Variants in RBM33 observed in about 807,000 individuals in gnomAD.
RBM33 encodes the protein RNA-binding protein 33.
A neutral mutation model predicts 132.6 loss-of-function variants in RBM33; 28 were observed. The observed-to-expected ratio is 0.21, with a 90% confidence interval of 0.16 to 0.29. The LOEUF (loss-of-function observed/expected upper bound fraction) is 0.29, where lower values mean the gene tolerates loss of function less well. RBM33 is among the 10% of genes least tolerant of loss of function. The pLI is 1.00. For missense variants in RBM33, 1,291 were observed against 1,518.5 expected, an observed-to-expected ratio of 0.85 and a Z score of 2.49; for synonymous variants, 634 against 593.0, an observed-to-expected ratio of 1.07 and a Z score of -1.01.
intron 5 of RBM33, among the ~76,000 whole-genome samples, chr7:155,699,527 G>A (rs748300484): frequency 1.3e-5 from 2 of 152,114 alleles, no homozygotes; most frequent in South Asian, 2.1e-4. Flanking sequence ...CAGAAATAAC[G>A]GTATCAAACC....
At chr7:155,680,477 A>G (rs1208425611) in intron 4 of RBM33, 113 bp from the exon 5 acceptor site, 10 of 787,274 alleles carry the variant, frequency 1.3e-5, no homozygotes, top group Admixed American at 2.9e-5. Flanking sequence ...AGTAACTGGA[A>G]TAACTTTTTA....
chr7:155,748,950 G>A (rs139140315), intron 14 of RBM33, among the ~76,000 whole-genome samples: 4 of 152,206 alleles, frequency 2.6e-5, no homozygotes, highest in South Asian at 2.1e-4. Flanking sequence ...GCGTTTTGCC[G>A]TTGGCTGCTC....
chr7:155,669,851 C>G (rs1798898655), intron 2 of RBM33, among the ~76,000 whole-genome samples: 2 of 152,292 alleles, frequency 1.3e-5, no homozygotes, highest in Non-Finnish European at 1.5e-5. Context: ...AGGGGCCGGT[C>G]TTTCTCCTCC....
intron 9 of RBM33, among the ~76,000 whole-genome samples, chr7:155,735,371 T>C (rs1801084031): frequency 6.6e-6 from 1 of 152,206 alleles, no homozygotes; most frequent in Non-Finnish European, 1.5e-5. Context: ...TTAGAAGTAA[T>C]TTTTCTAGCA....
chr7:155,737,890 A>G (rs1040818128), intron 10 of RBM33, among the ~76,000 whole-genome samples, 170 bp from the exon 11 acceptor site: 7 of 152,220 alleles, frequency 4.6e-5, no homozygotes, highest in Admixed American at 1.3e-4. Flanking sequence ...ATAGAAAATG[A>G]CAAATGAAGC....
chr7:155,678,915 TA>T (rs1799258465), intron 4 of RBM33, among the ~76,000 whole-genome samples: 1 of 152,214 alleles, frequency 6.6e-6, no homozygotes, highest in South Asian at 2.1e-4. Context: ...CTCGTGCCTA[TA>T]AACCCAGCAC....
chr7:155,724,734 CTG>C (rs147779229), intron 9 of RBM33, among the ~76,000 whole-genome samples: 1 of 152,232 alleles, frequency 6.6e-6, no homozygotes, highest in Non-Finnish European at 1.5e-5. Context: ...CTGAATGTGT[CTG>C]TTCCTATAAT....
chr7:155,673,769 C>CACACACACACACACAG (rs1799067375), intron 3 of RBM33, among the ~76,000 whole-genome samples: 1 of 18,042 alleles, frequency 5.5e-5, no homozygotes, highest in South Asian at 5.0e-3. Flanking sequence ...CGCATGCGCG[C>CACACACACACACACAG]ACACACACAC....
At chr7:155,664,231 T>TTA (rs58817262) in intron 1 of RBM33, among the ~76,000 whole-genome samples, 6 of 121,272 alleles carry the variant, frequency 4.9e-5, no homozygotes, top group Admixed American at 4.1e-4. Context: ...ACATTATGAC[T>TTA]TATATATATA....
rs535570260 is a variant in RBM33, at chr7:155,676,825, G to A, written c.172-1783G>A. Among the ~76,000 whole-genome samples, 116 of 152,280 alleles carry A rather than the reference G, an allele frequency of 7.6e-4. 4 individuals are homozygous for A. The South Asian group carries it at 0.024, about 31-fold the overall frequency. The stretch of plus-strand genomic sequence containing the variant: ...GTGGATATTGTGCTTATCACCTCCT[G>A]TGTCTGTTAGTAGGTTTAAAAGCCA... On this transcript the variant is annotated intron_variant, in intron 3 of 17. Coordinates refer to ENST00000401878, the MANE Select transcript of RBM33 (RefSeq NM_053043.3).
At chr7:155,680,241 T>A (rs1169937441) in intron 4 of RBM33, among the ~76,000 whole-genome samples, 3 of 152,234 alleles carry the variant, frequency 2.0e-5, no homozygotes, top group Non-Finnish European at 4.4e-5. Context: ...TATAGGCTAT[T>A]TGATTTCAGT....
At chr7:155,688,042 A>G (rs965330579) in intron 5 of RBM33, among the ~76,000 whole-genome samples, 4 of 152,182 alleles carry the variant, frequency 2.6e-5, no homozygotes, top group African/African-American at 9.7e-5. Context: ...TGGGGATGGC[A>G]TTGAATCTAT....
chr7:155,686,380 C>T (rs1799477499), intron 5 of RBM33, among the ~76,000 whole-genome samples: 1 of 152,154 alleles, frequency 6.6e-6, no homozygotes, highest in East Asian at 1.9e-4. Context: ...AGACAGAAGA[C>T]TGCGTGGAGA....
In RBM33 at chr7:155,780,417, AGAGTGTGACCTTTTTCATGTCT is replaced by A. The variant is rs1382802714; in HGVS notation, c.*5380_*5401del. Reference sequence around the variant, plus strand: ...TTCAGGTACCACAGCAGCAAAGCACAGAGTGTGACCTTTTTCATGTCTGAGCTGATTCTGTTTGCTCCACGTG... The same window carrying A: ...TTCAGGTACCACAGCAGCAAAGCACAGAGCTGATTCTGTTTGCTCCACGTG... On this transcript the variant is annotated 3_prime_UTR_variant, in exon 18 of 18. Coordinates refer to ENST00000401878, the MANE Select transcript of RBM33 (RefSeq NM_053043.3). The A allele has an allele frequency of 6.6e-6, 1 of 152,280 alleles. No homozygotes were observed. Among genetic ancestry groups the A allele is most frequent in the African/African-American group, 2.4e-5 (1 of 41,466 alleles). 9.4% of individuals were successfully genotyped at this position (152,280 alleles called of 1,614,324 possible). A position where few individuals can be genotyped will look rare whatever the true frequency, so the allele number is the denominator to read the frequency against.
intron 14 of RBM33, among the ~76,000 whole-genome samples, chr7:155,748,593 T>C (rs979937062): frequency 1.3e-5 from 2 of 152,260 alleles, no homozygotes; most frequent in Admixed American, 6.5e-5. Context: ...TCATTACTTA[T>C]AATGAAATAA....
In RBM33 at chr7:155,741,699, C is replaced by T. The variant is rs189007884; in HGVS notation, c.2050-120C>T. On this transcript the variant is annotated intron_variant, in intron 12 of 17. Coordinates refer to ENST00000401878, the MANE Select transcript of RBM33 (RefSeq NM_053043.3). ...GTATGAGAAAAAAGTATCTGCTCCC[C>T]AAAAGAAGTCATTTACTAATTAGAA... 84 of 969,074 alleles carry T rather than the reference C, an allele frequency of 8.7e-5. No individual in the cohort carries two copies. In the African/African-American group the frequency reaches 1.2e-3, roughly 13 times the overall value. The allele number at this position is 969,074 out of a possible 1,614,324, so 60.0% of individuals were successfully genotyped here.
Position 155,744,951 on chromosome 7 carries a change from T to C in RBM33, c.2338-10T>C. 6.5e-7 allele frequency: 1 copy of C among 1,543,782 alleles called. No homozygotes were observed. Among genetic ancestry groups the C allele is most frequent in the Non-Finnish European group, 8.7e-7 (1 of 1,150,598 alleles). The stretch of plus-strand genomic sequence containing the variant: ...ATAGCAAAGTAAACCGTGTATGTTT[T>C]CCATTTTAGTTTCCTGATGAAGATG... On this transcript the variant is annotated splice_polypyrimidine_tract_variant and intron_variant, in intron 13 of 17. Coordinates refer to ENST00000401878, the MANE Select transcript of RBM33 (RefSeq NM_053043.3).
chr7:155,690,794 A>C (rs10949733), intron 5 of RBM33, among the ~76,000 whole-genome samples: 102,540 of 151,764 alleles, frequency 0.68, 35,010 homozygotes, highest in South Asian at 0.77. Context: ...TGAATATTGG[A>C]CCCCACTCTC....
Position 155,707,225 on chromosome 7 carries a change from A to T in RBM33, c.948+157A>T, listed in dbSNP as rs551737941. ...AGTTTCTGCTTTATAGTCTCATGTG[A>T]TGTTGCATATAGTCTTAGAAATTCA... On this transcript the variant is annotated intron_variant, in intron 7 of 17. Transcript: ENST00000401878. 66 of 737,848 alleles carry T rather than the reference A, an allele frequency of 8.9e-5. No homozygotes were observed. In the Admixed American group the frequency reaches 1.3e-3, roughly 15 times the overall value. 45.7% of individuals were successfully genotyped at this position (737,848 alleles called of 1,614,324 possible).
Sources: gnomAD v4.1 joint callset for allele counts (sites outside exome capture counted in the v4.1 genomes callset) on GRCh38, gnomAD v4.1.1 for gene constraint, MANE v1.5 for transcripts, NCBI Gene and HGNC (gene_info 2026-07-23, HGNC 2026-07-21) for gene names.